ZCCHC17: variants seen among roughly 807,000 people sequenced by gnomAD.
ZCCHC17 encodes the protein zinc finger CCHC-type containing 17.
In ZCCHC17, 18 loss-of-function variants were observed where a neutral mutation model predicts 30.6. The ratio of observed to expected loss-of-function variants is 0.59; its 90% CI spans 0.41 to 0.87. The LOEUF is 0.87. ZCCHC17 is among the 40% of genes least tolerant of loss of function. The pLI, the probability that ZCCHC17 is intolerant of heterozygous loss-of-function variation, is 0.00. For synonymous variants in ZCCHC17, 88 were observed against 92.4 expected, an observed-to-expected ratio of 0.95 and a Z score of 0.27; for missense variants, 263 against 284.2, an observed-to-expected ratio of 0.93 and a Z score of 0.54.
At chr1:31,322,433 A>T (rs1246879810) in intron 3 of ZCCHC17, among the ~76,000 whole-genome samples, 1 of 152,188 alleles carries the variant, frequency 6.6e-6, no homozygotes, top group African/African-American at 2.4e-5. Flanking sequence ...GAAAAATGCT[A>T]TAGTTACTAT....
At chr1:31,363,609 T>C (rs1028253177) in intron 7 of ZCCHC17, among the ~76,000 whole-genome samples, 2 of 152,050 alleles carry the variant, frequency 1.3e-5, no homozygotes, top group African/African-American at 4.8e-5. Flanking sequence ...CTGGGCAACA[T>C]GGAGAAACCC....
Position 31,348,876 on chromosome 1 carries a change from T to A in ZCCHC17, c.466T>A (p.Ser156Thr), listed in dbSNP as rs775801084. Residue 156 changes from serine (S) to threonine (T), a missense_variant, in exon 7 of 8, where the codon TCT becomes ACT. Coordinates refer to ENST00000344147, the MANE Select transcript of ZCCHC17 (RefSeq NM_016505.4). ...CFMQPGGTKY[S>T]LIPDEEEEKE... ...CATGCAACCAGGTGGGACTAAATAC[T>A]CTCTGATACCTGATGAGGAAGAGGA... is the stretch of plus-strand genomic sequence containing the variant. The A allele has an allele frequency of 5.0e-6, 8 of 1,613,338 alleles. No individual in the cohort carries two copies. In the East Asian group the frequency reaches 1.6e-4, roughly 31 times the overall value.
chr1:31,352,260 A>G (rs1221154393), intron 7 of ZCCHC17, among the ~76,000 whole-genome samples: 1 of 152,142 alleles, frequency 6.6e-6, no homozygotes, highest in Non-Finnish European at 1.5e-5. Context: ...TACAACCATC[A>G]CTGTCTTTGA....
At chr1:31,301,897 G>A (rs186245450) in intron 1 of ZCCHC17, among the ~76,000 whole-genome samples, 9 of 152,228 alleles carry the variant, frequency 5.9e-5, no homozygotes, top group Admixed American at 5.2e-4. Flanking sequence ...CTAGAATTTG[G>A]TGGGAGGGAG....
chr1:31,317,107 C>G (rs1425301132), intron 2 of ZCCHC17, among the ~76,000 whole-genome samples: 1 of 151,232 alleles, frequency 6.6e-6, no homozygotes, highest in Non-Finnish European at 1.5e-5. Context: ...CTCACTCAAC[C>G]TCTGCTTCCC....
Position 31,307,058 on chromosome 1 carries a change from G to A in ZCCHC17, c.-55-2986G>A, listed in dbSNP as rs185737540. Reference sequence around the variant, plus strand: ...TCACTATGTTGGCCGGGATGGTCTCGAACTCTTGACCTTGTGATCCACCCG... The same window carrying A: ...TCACTATGTTGGCCGGGATGGTCTCAAACTCTTGACCTTGTGATCCACCCG... On this transcript the variant is annotated intron_variant, in intron 1 of 7. Transcript: ENST00000344147. Among the ~76,000 whole-genome samples, 1,160 of 151,854 alleles carry A rather than the reference G, an allele frequency of 7.6e-3. 13 individuals carry two copies. The highest frequency in any genetic ancestry group is 0.026 in the African/African-American group (1,085 of 41,432).
At chr1:31,316,651 C>T (rs1646740387) in intron 2 of ZCCHC17, among the ~76,000 whole-genome samples, 1 of 152,194 alleles carries the variant, frequency 6.6e-6, no homozygotes. Context: ...CTGATCTCTA[C>T]GTTCCTCATT....
intron 3 of ZCCHC17, among the ~76,000 whole-genome samples, chr1:31,334,446 G>A (rs2148449291): frequency 6.7e-6 from 1 of 150,246 alleles, no homozygotes; most frequent in Non-Finnish European, 1.5e-5. Context: ...GCAACTTCAG[G>A]GAGGGCAGTT....
At chr1:31,327,658 C>T (rs1638410072) in intron 3 of ZCCHC17, among the ~76,000 whole-genome samples, 1 of 152,166 alleles carries the variant, frequency 6.6e-6, no homozygotes, top group African/African-American at 2.4e-5. Flanking sequence ...TCTCAGTGAT[C>T]AGATCGACTG....
At chr1:31,334,331 CTCTCTCTGTGTGTGTGTGTGTGTGTGTG>C (rs1638722148) in intron 3 of ZCCHC17, among the ~76,000 whole-genome samples, 1 of 61,270 alleles carries the variant, frequency 1.6e-5, no homozygotes, top group African/African-American at 6.8e-5. Flanking sequence ...CTCTCTCTCT[CTCTCTCTGTGTGTGTGTGTGTGTGTGTG>C]TGTGTGTGTG....
chr1:31,325,992 T>TA lies in ZCCHC17; in HGVS notation c.124+6841dup, dbSNP rs71569978. Among the ~76,000 whole-genome samples the TA allele has an allele frequency of 6.0e-3, 834 of 138,740 alleles. 2 individuals are homozygous for TA. The highest frequency in any genetic ancestry group is 0.017 in the African/African-American group (630 of 37,738). 91.0% of individuals were successfully genotyped at this position (138,740 alleles called of 152,430 possible). On this transcript the variant is annotated intron_variant, in intron 3 of 7. Transcript: ENST00000344147. ...TGGGTAAGAGTAAGACCCTGTCCCT[T>TA]AAAAAAAAAAAAAAAGAAAAAACTA...
chr1:31,356,522 C>G lies in ZCCHC17; in HGVS notation c.565-7510C>G, dbSNP rs112782025. 5.2e-3 allele frequency among the ~76,000 whole-genome samples: 788 copies of G among 152,316 alleles called. 5 individuals are homozygous for G. The highest frequency in any genetic ancestry group is 8.8e-3 in the Non-Finnish European group (599 of 68,034). Reference sequence around the variant, plus strand: ...GCCTGGTACTTAATAGGAATACATGCACTAACTACCTGTGAATAGATAGAC... The same window carrying G: ...GCCTGGTACTTAATAGGAATACATGGACTAACTACCTGTGAATAGATAGAC... On this transcript the variant is annotated intron_variant, in intron 7 of 7. Transcript: ENST00000344147.
chr1:31,326,858 G>A (rs1344053567), intron 3 of ZCCHC17, among the ~76,000 whole-genome samples: 1 of 152,150 alleles, frequency 6.6e-6, no homozygotes, highest in African/African-American at 2.4e-5. Context: ...GTGTATCTTA[G>A]TTTCTCTGCC....
intron 2 of ZCCHC17, among the ~76,000 whole-genome samples, chr1:31,311,483 C>A (rs1031912515): frequency 6.6e-6 from 1 of 152,116 alleles, no homozygotes; most frequent in African/African-American, 2.4e-5. Context: ...AACAAAATAC[C>A]TGAGATTGGG....
intron 7 of ZCCHC17, among the ~76,000 whole-genome samples, chr1:31,350,789 A>G (rs2148472162): frequency 6.6e-6 from 1 of 152,000 alleles, no homozygotes; most frequent in South Asian, 2.1e-4. Flanking sequence ...TTTAGTAGAG[A>G]CAGGGTTTCA....
At chr1:31,305,909 C>T (rs1265118967) in intron 1 of ZCCHC17, among the ~76,000 whole-genome samples, 1 of 152,146 alleles carries the variant, frequency 6.6e-6, no homozygotes, top group Non-Finnish European at 1.5e-5. Flanking sequence ...AGTCATACCC[C>T]CTTGTTCATG....
chr1:31,358,986 G>A (rs1317095772), intron 7 of ZCCHC17, among the ~76,000 whole-genome samples: 1 of 152,128 alleles, frequency 6.6e-6, no homozygotes, highest in Non-Finnish European at 1.5e-5. Context: ...AAGGAAGTTT[G>A]TAGAAAAGTA....
At chr1:31,360,105 G>A (rs1056894937) in intron 7 of ZCCHC17, among the ~76,000 whole-genome samples, 20 of 151,506 alleles carry the variant, frequency 1.3e-4, no homozygotes, top group African/African-American at 4.9e-4. Flanking sequence ...TCAGCCTCCC[G>A]AGTAGCTGGG....
rs1646178248 is a variant in ZCCHC17 at position 31,297,067 on chromosome 1, T to A, written c.-64T>A. Reference sequence around the variant, plus strand: ...GCGCAGCGACTCGGGGACCTGGAGCTGACGCCTAGTACGTATGAGGAAGAA... The same window carrying A: ...GCGCAGCGACTCGGGGACCTGGAGCAGACGCCTAGTACGTATGAGGAAGAA... On this transcript the variant is annotated 5_prime_UTR_variant, in exon 1 of 8. Coordinates refer to ENST00000344147, the MANE Select transcript of ZCCHC17 (RefSeq NM_016505.4). The A allele has an allele frequency of 2.3e-6, 1 of 443,340 alleles. No homozygotes were observed. Among genetic ancestry groups the A allele is most frequent in the Non-Finnish European group, 4.0e-6 (1 of 250,194 alleles). 27.5% of individuals were successfully genotyped at this position (443,340 alleles called of 1,614,324 possible). A position where few individuals can be genotyped will look rare whatever the true frequency, so the allele number is the denominator to read the frequency against.
Sources: gnomAD v4.1 joint callset for allele counts (sites outside exome capture counted in the v4.1 genomes callset) on GRCh38, gnomAD v4.1.1 for gene constraint, MANE v1.5 for transcripts, NCBI Gene and HGNC (gene_info 2026-07-23, HGNC 2026-07-21) for gene names.